Variants in CD36 observed in about 807,000 individuals in gnomAD.
CD36 encodes CD36 molecule (CD36 blood group).
Under a neutral mutation model 55.2 loss-of-function variants are expected in CD36, and 119 were observed. The ratio of observed to expected loss-of-function variants is 2.15; its 90% CI spans 1.86 to 2.51. CD36 has a LOEUF of 2.51. Ranked by LOEUF, CD36 falls within the 30% of genes most tolerant of loss-of-function variation. The probability of loss-of-function intolerance (pLI) is 0.00; values close to 1 mark genes in which losing one functional copy is unlikely to be tolerated. For synonymous variants in CD36, 186 were observed against 193.6 expected, an observed-to-expected ratio of 0.96 and a Z score of 0.33; for missense variants, 819 against 555.5, an observed-to-expected ratio of 1.47 and a Z score of -4.77.
chr7:80,623,463 A>C (rs1311804532), intron 1 of CD36, among the ~76,000 whole-genome samples: 1 of 151,814 alleles, frequency 6.6e-6, no homozygotes, highest in African/African-American at 2.4e-5. Context: ...TGTTCTGGGA[A>C]AAAGCCATAT....
At chr7:80,672,140 A>ATAT in intron 11 of CD36, 100 bp downstream of exon 11, 1 of 961,816 alleles carries the variant, frequency 1.0e-6, no homozygotes, top group Admixed American at 2.0e-5. Context: ...ATAAATAATC[A>ATAT]TATTTATTGA....
intron 1 of CD36, among the ~76,000 whole-genome samples, chr7:80,618,588 G>T (rs920637954): frequency 6.6e-6 from 1 of 152,156 alleles, no homozygotes; most frequent in Non-Finnish European, 1.5e-5. Flanking sequence ...AACACACAAA[G>T]GATAAGAAAG....
chr7:80,624,062 G>C (rs1169387626), intron 1 of CD36: 2 of 152,226 alleles, frequency 1.3e-5, no homozygotes, highest in African/African-American at 4.8e-5. Context: ...ATGTACAGCA[G>C]TGATTTGACC....
intron 4 of CD36, among the ~76,000 whole-genome samples, chr7:80,660,718 T>C (rs574554818): frequency 5.6e-4 from 86 of 152,344 alleles, no homozygotes; most frequent in Non-Finnish European, 1.1e-3. Context: ...ATTTGTTACA[T>C]AGACCATTTA....
In CD36 at chr7:80,678,788, G is replaced by A. The variant is rs1313063369; in HGVS notation, c.*2405G>A. 6.6e-6 allele frequency: 1 copy of A among 150,930 alleles called. No homozygotes were observed. Among genetic ancestry groups the A allele is most frequent in the African/African-American group, 2.4e-5 (1 of 41,062 alleles). The allele number at this position is 150,930 out of a possible 1,614,324, so 9.3% of individuals were successfully genotyped here. A position where few individuals can be genotyped will look rare whatever the true frequency, so the allele number is the denominator to read the frequency against. On this transcript the variant is annotated 3_prime_UTR_variant, in exon 15 of 15. Coordinates refer to ENST00000447544, the MANE Select transcript of CD36 (RefSeq NM_001001548.3). ...GAGCCTGGGAAGCAGAGGTTGCAGTGAACTGAGATCGCGTCACTGCACTCC... is the reference window on the plus strand; with the variant it reads ...GAGCCTGGGAAGCAGAGGTTGCAGTAAACTGAGATCGCGTCACTGCACTCC...
intron 1 of CD36, among the ~76,000 whole-genome samples, chr7:80,640,997 T>C (rs1794774031): frequency 6.6e-6 from 1 of 152,060 alleles, no homozygotes; most frequent in Non-Finnish European, 1.5e-5. Flanking sequence ...ATTCTGGAGA[T>C]CTCATAGTCC....
chr7:80,627,931 A>G lies in CD36; in HGVS notation c.-183-18157A>G, dbSNP rs144656926. On this transcript the variant is annotated intron_variant, in intron 1 of 13. Transcript: ENST00000309881. Reference sequence around the variant, plus strand: ...AAGGGAAGAATTAAATCCCTTTATAAGAATATTTTCTAATGTGGAATAATC... The same window carrying G: ...AAGGGAAGAATTAAATCCCTTTATAGGAATATTTTCTAATGTGGAATAATC... Among the ~76,000 whole-genome samples the G allele has an allele frequency of 7.0e-3, 1,058 of 152,142 alleles. 14 individuals carry two copies. The highest frequency in any genetic ancestry group is 0.024 in the African/African-American group (995 of 41,552).
intron 14 of CD36, among the ~76,000 whole-genome samples, chr7:80,675,120 T>TAATC (rs111673197): frequency 1.1e-4 from 17 of 152,278 alleles, no homozygotes; most frequent in African/African-American, 4.1e-4. Context: ...TTTTTGGTTC[T>TAATC]AATCACTTCT....
intron 3 of CD36, among the ~76,000 whole-genome samples, chr7:80,655,662 A>G (rs1213571749): frequency 6.6e-6 from 1 of 152,082 alleles, no homozygotes; most frequent in East Asian, 1.9e-4. Context: ...AATATATTGA[A>G]AGTTAGGGGC....
intron 1 of CD36, among the ~76,000 whole-genome samples, chr7:80,617,775 C>T (rs569042661): frequency 3.3e-5 from 5 of 151,200 alleles, no homozygotes; most frequent in Non-Finnish European, 5.9e-5. Flanking sequence ...GCTCTTCAAA[C>T]GTACATTGGA....
Position 80,670,917 on chromosome 7 carries a change from T to C in CD36, c.819-60T>C, listed in dbSNP as rs898899496. 14 of 1,132,454 alleles carry C rather than the reference T, an allele frequency of 1.2e-5. No individual in the cohort carries two copies. The African/African-American group carries it at 1.7e-4, about 14-fold the overall frequency. The allele number at this position is 1,132,454 out of a possible 1,614,324, so 70.2% of individuals were successfully genotyped here. A position where few individuals can be genotyped will look rare whatever the true frequency, so the allele number is the denominator to read the frequency against. ...AAGTTAAAACAAGAATAAGAAAAAA[T>C]GAATCTCCAGAATGTAAGTTCAGGT... On this transcript the variant is annotated intron_variant, in intron 9 of 14. Transcript: ENST00000447544.
intron 1 of CD36, among the ~76,000 whole-genome samples, chr7:80,614,898 T>C (rs1034666108): frequency 4.6e-5 from 7 of 152,136 alleles, no homozygotes; most frequent in Non-Finnish European, 7.3e-5. Context: ...TGTGTTTTTT[T>C]CCCCTCTGCT....
intron 7 of CD36, among the ~76,000 whole-genome samples, chr7:80,665,340 T>C (rs1032967395): frequency 6.7e-6 from 1 of 150,278 alleles, no homozygotes; most frequent in East Asian, 1.9e-4. Flanking sequence ...TGACTAGTTT[T>C]TTTCTGAAAA....
intron 4 of CD36, among the ~76,000 whole-genome samples, chr7:80,657,311 T>G (rs1385932591): frequency 6.6e-6 from 1 of 152,190 alleles, no homozygotes; most frequent in Non-Finnish European, 1.5e-5. Flanking sequence ...TAAATTCATT[T>G]TTCCTAACTG....
chr7:80,656,670 A>G lies in CD36; in HGVS notation c.251A>G (p.Gln84Arg), dbSNP rs1300852597. ...GTGATGATGAACAGCAGCAACATTC[A>G]AGTTAAGCAAAGAGGTCCTTATACG... ...QEVMMNSSNI[Q>R]VKQRGPYTYR... Residue 84 changes from glutamine to arginine, a missense_variant, in exon 4 of 15, where the codon CAA (glutamine) becomes CGA (arginine). Coordinates refer to ENST00000447544, the MANE Select transcript of CD36 (RefSeq NM_001001548.3). 6.2e-7 allele frequency: 1 copy of G among 1,613,764 alleles called. No homozygotes were observed.
intron 4 of CD36, among the ~76,000 whole-genome samples, chr7:80,658,416 ATAGTTGT>A (rs1369575216): frequency 7.3e-6 from 1 of 136,876 alleles, no homozygotes; most frequent in Non-Finnish European, 1.7e-5. Context: ...AGGAAAGAAA[ATAGTTGT>A]TAGAATTTGA....
chr7:80,619,266 G>T (rs1285727321), intron 1 of CD36, among the ~76,000 whole-genome samples: 1 of 152,126 alleles, frequency 6.6e-6, no homozygotes, highest in Non-Finnish European at 1.5e-5. Context: ...TACAACTGAT[G>T]ATTAACAATG....
chr7:80,673,915 G>A (rs1788393620), intron 13 of CD36, 68 bp from the exon 14 acceptor site: 1 of 1,138,982 alleles, frequency 8.8e-7, no homozygotes, highest in Non-Finnish European at 1.3e-6. Context: ...AAGGGTGATA[G>A]GCAATTGAAG....
intron 7 of CD36, 195 bp from the exon 8 acceptor site, chr7:80,666,248 A>G: frequency 2.0e-6 from 1 of 512,708 alleles, no homozygotes; most frequent in Non-Finnish European, 3.5e-6. Flanking sequence ...TGGCTACCTA[A>G]TGGCATCAGG....
Sources: gnomAD v4.1 joint callset for allele counts (sites outside exome capture counted in the v4.1 genomes callset) on GRCh38, gnomAD v4.1.1 for gene constraint, MANE v1.5 for transcripts, NCBI Gene and HGNC (gene_info 2026-07-23, HGNC 2026-07-21) for gene names.